The following GPC6 variants were observed in gnomAD, a reference collection of about 807,000 sequenced individuals.
GPC6 encodes the protein glypican-6.
GPC6 carries 14 observed loss-of-function variants against 55.2 expected under a neutral mutation model. The ratio of observed to expected loss-of-function variants is 0.25; its 90% CI spans 0.17 to 0.40. GPC6 has a LOEUF of 0.40. GPC6 is among the 10% of genes least tolerant of loss of function. The pLI, the probability that GPC6 is intolerant of heterozygous loss-of-function variation, is 1.00. For synonymous variants in GPC6, 278 were observed against 259.6 expected (o/e 1.07, Z -0.68); for missense variants, 641 against 708.5 (o/e 0.90, Z 1.08).
At chr13:93,737,918 T>C (rs2138844841) in intron 2 of GPC6, among the ~76,000 whole-genome samples, 1 of 152,238 alleles carries the variant, frequency 6.6e-6, no homozygotes, top group African/African-American at 2.4e-5. Context: ...TACTCGGAAT[T>C]ATGCAGCCTT....
At chr13:93,637,719 A>C (rs1036406856) in intron 2 of GPC6, among the ~76,000 whole-genome samples, 1 of 152,124 alleles carries the variant, frequency 6.6e-6, no homozygotes, top group African/African-American at 2.4e-5. Flanking sequence ...TCTATGAATA[A>C]ATCTTTGTCT....
At chr13:94,279,801 G>A (rs566011475) in intron 4 of GPC6, among the ~76,000 whole-genome samples, 78 of 152,302 alleles carry the variant, frequency 5.1e-4, no homozygotes, top group South Asian at 2.3e-3. Flanking sequence ...ACTGTGGTCT[G>A]AGAGACTATT....
chr13:93,450,415 A>G (rs1248482064), intron 1 of GPC6, among the ~76,000 whole-genome samples: 1 of 152,184 alleles, frequency 6.6e-6, no homozygotes, highest in South Asian at 2.1e-4. Context: ...TTTTATGTCA[A>G]TTTGGAATTG....
intron 3 of GPC6, among the ~76,000 whole-genome samples, chr13:94,002,803 A>G (rs1881862944): frequency 6.6e-6 from 1 of 152,284 alleles, no homozygotes; most frequent in African/African-American, 2.4e-5. Context: ...AAAGACAGTT[A>G]GTAGACTTTG....
rs538615302 is a variant in GPC6 at position 93,692,050 on chromosome 13, C to T, written c.320-138104C>T. ...ATGCTGAAATTACACTTTGGGGTTC[C>T]ACTCATAGAGGTTCAGTAGTATGTG... is the stretch of plus-strand genomic sequence containing the variant. On this transcript the variant is annotated intron_variant, in intron 2 of 8. Transcript: ENST00000377047. Among the ~76,000 whole-genome samples the T allele has an allele frequency of 4.3e-4, 65 of 152,110 alleles. 1 individual carries two copies. The highest frequency in any genetic ancestry group is 1.5e-3 in the African/African-American group (61 of 41,532).
At chr13:94,301,203 G>T (rs949703381) in intron 5 of GPC6, among the ~76,000 whole-genome samples, 1 of 152,162 alleles carries the variant, frequency 6.6e-6, no homozygotes, top group Non-Finnish European at 1.5e-5. Flanking sequence ...ACAGCCATTT[G>T]CCCTTAAAAT....
chr13:94,111,478 TA>T (rs1886245685), intron 4 of GPC6, among the ~76,000 whole-genome samples: 8 of 16,680 alleles, frequency 4.8e-4, no homozygotes, highest in African/African-American at 6.7e-4. Flanking sequence ...GTAAATATAA[TA>T]ATAATAATAA....
chr13:94,242,736 T>C lies in GPC6; in HGVS notation c.878-43613T>C, dbSNP rs561775678. Among the ~76,000 whole-genome samples the C allele has an allele frequency of 6.0e-4, 91 of 152,222 alleles. 1 individual carries two copies. The highest frequency in any genetic ancestry group is 3.4e-3 in the Middle Eastern group (1 of 292). On this transcript the variant is annotated intron_variant, in intron 4 of 8. Transcript: ENST00000377047. The stretch of plus-strand genomic sequence containing the variant: ...AAGGAGTTAATTACAAGTGATCATT[T>C]TGTGGGGTTGTGATTCATATAACAC...
chr13:93,967,900 C>A lies in GPC6; in HGVS notation c.712-59829C>A, dbSNP rs116173160. On this transcript the variant is annotated intron_variant, in intron 3 of 8. Coordinates refer to ENST00000377047, the MANE Select transcript of GPC6 (RefSeq NM_005708.5). ...ATTGTAACCCTTTAAAAACTGTTGG[C>A]AAATTGGACTGAATAGATCTTCTGT... Among the ~76,000 whole-genome samples the A allele has an allele frequency of 3.6e-3, 543 of 152,232 alleles. 5 individuals are homozygous for A. Among genetic ancestry groups the A allele is most frequent in the African/African-American group, 0.012 (518 of 41,562 alleles).
At chr13:93,626,080 A>G (rs1233795587) in intron 2 of GPC6, among the ~76,000 whole-genome samples, 1 of 152,180 alleles carries the variant, frequency 6.6e-6, no homozygotes, top group African/African-American at 2.4e-5. Flanking sequence ...TTGCTTATGC[A>G]CAATTTCATT....
chr13:93,786,165 G>C (rs1470504341), intron 2 of GPC6, among the ~76,000 whole-genome samples: 1 of 152,094 alleles, frequency 6.6e-6, no homozygotes, highest in Non-Finnish European at 1.5e-5. Context: ...AAGACAGAGA[G>C]GAAGACTAGA....
At chr13:93,537,990 C>T (rs538069702) in intron 1 of GPC6, among the ~76,000 whole-genome samples, 17 of 152,238 alleles carry the variant, frequency 1.1e-4, no homozygotes, top group African/African-American at 3.9e-4. Context: ...ATGAACAGCA[C>T]TTTCATACTG....
intron 1 of GPC6, among the ~76,000 whole-genome samples, chr13:93,515,006 C>A (rs1258491977): frequency 2.6e-5 from 4 of 152,008 alleles, no homozygotes; most frequent in Admixed American, 2.0e-4. Context: ...AGAGAGGGGG[C>A]CTTTGTGGGG....
In GPC6 at chr13:93,257,307, A is replaced by G. The variant is rs111901067; in HGVS notation, c.160+29691A>G. ...ACAGAGCAAGATCCTGTCTAAAAAA[A>G]AAATCATTGTTATAAAACCATTACT... On this transcript the variant is annotated intron_variant, in intron 1 of 8. Transcript: ENST00000377047. Among the ~76,000 whole-genome samples the G allele has an allele frequency of 5.3e-3, 805 of 152,256 alleles. 8 individuals are homozygous for G. The highest frequency in any genetic ancestry group is 0.018 in the African/African-American group (761 of 41,560).
At chr13:93,731,211 A>T (rs181059081) in intron 2 of GPC6, among the ~76,000 whole-genome samples, 22 of 152,330 alleles carry the variant, frequency 1.4e-4, no homozygotes, top group African/African-American at 4.3e-4. Context: ...TGCTAGGACC[A>T]GTTGACAAGT....
At chr13:93,517,501 T>C (rs954672560) in intron 1 of GPC6, among the ~76,000 whole-genome samples, 1 of 152,122 alleles carries the variant, frequency 6.6e-6, no homozygotes, top group Non-Finnish European at 1.5e-5. Context: ...TGTTTGAAAT[T>C]AGATTCTTTT....
chr13:94,202,438 A>G (rs529279570), intron 4 of GPC6, among the ~76,000 whole-genome samples: 31 of 152,204 alleles, frequency 2.0e-4, no homozygotes, highest in Non-Finnish European at 4.0e-4. Flanking sequence ...CATGTCCTAC[A>G]TGGTGGCAGA....
intron 4 of GPC6, among the ~76,000 whole-genome samples, chr13:94,272,689 C>G (rs1002669011): frequency 4.6e-5 from 7 of 151,830 alleles, no homozygotes; most frequent in Non-Finnish European, 1.0e-4. Flanking sequence ...AGGATGGTCT[C>G]AATTTCCTGA....
At chr13:93,497,123 A>G (rs1425282839) in intron 1 of GPC6, among the ~76,000 whole-genome samples, 3 of 152,198 alleles carry the variant, frequency 2.0e-5, no homozygotes, top group Non-Finnish European at 4.4e-5. Context: ...GCATCACTTT[A>G]GGAGTAAAAG....
Sources: allele counts gnomAD v4.1 joint callset (sites outside exome capture counted in the v4.1 genomes callset), GRCh38; gene constraint gnomAD v4.1.1; transcripts MANE v1.5; gene names NCBI Gene and HGNC (gene_info 2026-07-23, HGNC 2026-07-21).